The following MTMR2 variants were observed in gnomAD, a reference collection of about 807,000 sequenced individuals.
MTMR2 encodes phosphatidylinositol-3,5-bisphosphate 3-phosphatase MTMR2.
In MTMR2, 55 loss-of-function variants were observed where a neutral mutation model predicts 86.9. The observed-to-expected ratio is 0.63, with a 90% confidence interval of 0.51 to 0.79. The LOEUF (loss-of-function observed/expected upper bound fraction) is 0.79. MTMR2 is among the 30% of genes least tolerant of loss of function. MTMR2 has a pLI of 0.00. For synonymous variants in MTMR2, 241 were observed against 266.8 expected (o/e 0.90, Z 0.94); for missense variants, 659 against 772.3 (o/e 0.85, Z 1.74).
Position 95,833,856 on chromosome 11 carries a change from A to G in MTMR2, c.*1434T>C, listed in dbSNP as rs758991237. On this transcript the variant is annotated 3_prime_UTR_variant, in exon 15 of 15. Coordinates refer to ENST00000346299, the MANE Select transcript of MTMR2 (RefSeq NM_016156.6). Reference sequence around the variant, plus strand: ...TTTGGTACCAATTTTGCTAAATTGGATATACTAATAGAAACTTCCTCACTG... The same window carrying G: ...TTTGGTACCAATTTTGCTAAATTGGGTATACTAATAGAAACTTCCTCACTG... 2 of 151,918 alleles carry G rather than the reference A, an allele frequency of 1.3e-5. No homozygotes were observed. The highest frequency in any genetic ancestry group is 6.6e-5 in the Admixed American group (1 of 15,196). The allele number at this position is 151,918 out of a possible 1,614,324, so 9.4% of individuals were successfully genotyped here.
At chr11:95,879,200 C>T (rs1284654281) in intron 2 of MTMR2, among the ~76,000 whole-genome samples, 1 of 152,054 alleles carries the variant, frequency 6.6e-6, no homozygotes, top group Non-Finnish European at 1.5e-5. Flanking sequence ...AAAGAGATGA[C>T]AGCTGAAACC....
At chr11:95,850,785 A>G in intron 7 of MTMR2, 36 bp from the exon 8 acceptor site, 1 of 1,582,246 alleles carries the variant, frequency 6.3e-7, no homozygotes, top group African/African-American at 1.3e-5. Flanking sequence ...AAATTACTAT[A>G]TAACTAAAAT....
chr11:95,894,645 C>A (rs1565378226), intron 1 of MTMR2, among the ~76,000 whole-genome samples: 1 of 152,106 alleles, frequency 6.6e-6, no homozygotes, highest in Non-Finnish European at 1.5e-5. Context: ...CTTGGCATTG[C>A]AAATGCAGTT....
chr11:95,852,493 C>G (rs1864057578), intron 7 of MTMR2, among the ~76,000 whole-genome samples: 1 of 152,156 alleles, frequency 6.6e-6, no homozygotes, highest in Non-Finnish European at 1.5e-5. Flanking sequence ...CTCAATAGCG[C>G]TTCTATTTAT....
chr11:95,906,701 G>GTGCAATAAAAA (rs199918128), intron 1 of MTMR2, among the ~76,000 whole-genome samples: 4,618 of 152,154 alleles, frequency 0.03, 121 homozygotes, highest in South Asian at 0.072. Flanking sequence ...TTGGATCACA[G>GTGCAATAAAAA]TGCAATAAAA....
chr11:95,861,244 G>A (rs534895905), intron 5 of MTMR2, among the ~76,000 whole-genome samples: 33 of 151,066 alleles, frequency 2.2e-4, no homozygotes, highest in South Asian at 1.5e-3. Flanking sequence ...CTTCCACTAC[G>A]AAGTAGTGGA....
intron 1 of MTMR2, among the ~76,000 whole-genome samples, chr11:95,907,594 C>T (rs1312051553): frequency 6.6e-6 from 1 of 152,096 alleles, no homozygotes. Flanking sequence ...TCCTGATGAA[C>T]ATAGCTGCAA....
At chr11:95,835,973 A>G (rs1221093646) in intron 14 of MTMR2, among the ~76,000 whole-genome samples, 175 bp downstream of exon 14, 1 of 152,080 alleles carries the variant, frequency 6.6e-6, no homozygotes, top group Non-Finnish European at 1.5e-5. Flanking sequence ...CCTAAGAACC[A>G]GGTATACTGA....
At chr11:95,884,248 A>G (rs1014279062) in intron 2 of MTMR2, among the ~76,000 whole-genome samples, 2 of 152,234 alleles carry the variant, frequency 1.3e-5, no homozygotes, top group African/African-American at 4.8e-5. Context: ...AAAAATTGAG[A>G]GAGGAAATCA....
intron 2 of MTMR2, among the ~76,000 whole-genome samples, chr11:95,881,650 C>T (rs1319006099): frequency 1.3e-5 from 2 of 152,072 alleles, no homozygotes; most frequent in Non-Finnish European, 2.9e-5. Context: ...TGCTAAGGTA[C>T]AAAAGCATGA....
At position 95,847,386 on chromosome 11, in the gene MTMR2, G is replaced by A. The variant is rs184277470; in HGVS notation, c.1179+328C>T. 9.9e-5 allele frequency among the ~76,000 whole-genome samples: 15 copies of A among 152,184 alleles called. No individual in the cohort carries two copies. The East Asian group carries it at 2.7e-3, about 27-fold the overall frequency. On this transcript the variant is annotated intron_variant, in intron 10 of 14. Transcript: ENST00000346299. ...AGTTCCTGATTAGATGGAAAGACAG[G>A]GTAAAGAGTTCAGAGAAAATGGAAA...
chr11:95,893,709 A>G (rs549611435), intron 1 of MTMR2, among the ~76,000 whole-genome samples: 1 of 152,210 alleles, frequency 6.6e-6, no homozygotes, highest in African/African-American at 2.4e-5. Context: ...TTTTTAAACC[A>G]TAACCATCCT....
chr11:95,921,271 C>A (rs1565393445), intron 1 of MTMR2, among the ~76,000 whole-genome samples: 2 of 152,208 alleles, frequency 1.3e-5, no homozygotes, highest in Admixed American at 1.3e-4. Context: ...ACAATATTAA[C>A]TATTATTCTG....
At chr11:95,907,405 A>G (rs961730109) in intron 1 of MTMR2, among the ~76,000 whole-genome samples, 1 of 152,060 alleles carries the variant, frequency 6.6e-6, no homozygotes, top group Admixed American at 6.6e-5. Flanking sequence ...CCAGGACCAG[A>G]TGGATTCACA....
intron 2 of MTMR2, among the ~76,000 whole-genome samples, chr11:95,871,703 T>C (rs767914338): frequency 1.5e-4 from 23 of 152,208 alleles, no homozygotes; most frequent in Non-Finnish European, 3.4e-4. Context: ...ACTCTGATGG[T>C]AGTTTCTTTT....
At chr11:95,861,841 A>C (rs1664357654) in intron 5 of MTMR2, 151 bp downstream of exon 5, 1 of 663,702 alleles carries the variant, frequency 1.5e-6, no homozygotes, top group African/African-American at 1.8e-5. Flanking sequence ...ATTACTGCTA[A>C]ATTTTGTTTT....
chr11:95,884,245 G>C (rs531661089), intron 2 of MTMR2, among the ~76,000 whole-genome samples: 2 of 152,154 alleles, frequency 1.3e-5, no homozygotes, highest in Non-Finnish European at 2.9e-5. Flanking sequence ...TTAAAAAATT[G>C]AGAGAGGAAA....
Position 95,923,742 on chromosome 11 carries a change from C to G in MTMR2, c.80+133G>C, listed in dbSNP as rs896031527. 34 of 1,473,388 alleles carry G rather than the reference C, an allele frequency of 2.3e-5. No individual in the cohort carries two copies. In the African/African-American group the frequency reaches 4.4e-4, roughly 19 times the overall value. The allele number at this position is 1,473,388 out of a possible 1,614,324, so 91.3% of individuals were successfully genotyped here. A position where few individuals can be genotyped will look rare whatever the true frequency, so the allele number is the denominator to read the frequency against. ...CAGGGAGGGAGGCAGAAGTGGTTCC[C>G]AAGTCCCGGGGAAGGAATTCCGGCG... On this transcript the variant is annotated intron_variant, in intron 1 of 14. Transcript: ENST00000346299.
chr11:95,863,071 G>T (rs1243165661), intron 3 of MTMR2, among the ~76,000 whole-genome samples: 1 of 152,098 alleles, frequency 6.6e-6, no homozygotes, highest in Non-Finnish European at 1.5e-5. Flanking sequence ...GGATAACTTA[G>T]GAATCAGTAT....
Sources: gnomAD v4.1 joint callset for allele counts (sites outside exome capture counted in the v4.1 genomes callset) on GRCh38, gnomAD v4.1.1 for gene constraint, MANE v1.5 for transcripts, NCBI Gene and HGNC (gene_info 2026-07-23, HGNC 2026-07-21) for gene names.